Variants in KATNIP observed in about 807,000 individuals in gnomAD.
KATNIP encodes the protein katanin interacting protein.
A neutral mutation model predicts 174.0 loss-of-function variants in KATNIP; 126 were observed. The ratio of observed to expected loss-of-function variants is 0.72; its 90% CI spans 0.63 to 0.84. KATNIP has a LOEUF of 0.84. Ranked by LOEUF, KATNIP falls within the 40% of genes least tolerant of loss-of-function variation. The pLI, the probability that KATNIP is intolerant of heterozygous loss-of-function variation, is 0.00. For synonymous variants in KATNIP, 810 were observed against 835.7 expected (o/e 0.97, Z 0.53); for missense variants, 1,958 against 2,109.7 (o/e 0.93, Z 1.41).
chr16:27,609,378 CTTTTTTTTTTTT>C (rs35339029), intron 2 of KATNIP, among the ~76,000 whole-genome samples: 4 of 55,600 alleles, frequency 7.2e-5, no homozygotes, highest in Admixed American at 2.7e-4. Context: ...TGAGTTAAGT[CTTTTTTTTTTTT>C]TTTTTTTTTT....
chr16:27,668,636 A>G (rs913863370), intron 6 of KATNIP, among the ~76,000 whole-genome samples: 5 of 152,192 alleles, frequency 3.3e-5, no homozygotes, highest in African/African-American at 4.8e-5. Flanking sequence ...TGGCCATGTG[A>G]CCTTGAACTT....
At chr16:27,605,525 A>G (rs1596889392) in intron 2 of KATNIP, among the ~76,000 whole-genome samples, 1 of 152,248 alleles carries the variant, frequency 6.6e-6, no homozygotes, top group African/African-American at 2.4e-5. Flanking sequence ...AGAATGGTAC[A>G]TAGCAGGTAG....
Position 27,771,257 on chromosome 16 carries a change from C to A in KATNIP, c.4134-331C>A, listed in dbSNP as rs1247028337. 8.5e-5 allele frequency among the ~76,000 whole-genome samples: 13 copies of A among 152,316 alleles called. No homozygotes were observed. The East Asian group carries it at 2.5e-3, about 29-fold the overall frequency. On this transcript the variant is annotated intron_variant, in intron 21 of 27. Coordinates refer to ENST00000261588, the MANE Select transcript of KATNIP (RefSeq NM_015202.5). ...CAGCTGCATGGCCTTGAGCAAGTGA[C>A]CTCACTTCTCCGTGTTCCAGTTTCC... is the stretch of plus-strand genomic sequence containing the variant.
chr16:27,657,537 G>A (rs1430905166), intron 6 of KATNIP, among the ~76,000 whole-genome samples: 1 of 151,760 alleles, frequency 6.6e-6, no homozygotes, highest in Non-Finnish European at 1.5e-5. Flanking sequence ...GACCAGCCTG[G>A]CCAACATGGC....
In KATNIP at chr16:27,740,948, G is replaced by A. The variant is rs376020287; in HGVS notation, c.2623+28G>A. The A allele has an allele frequency of 5.1e-6, 8 of 1,559,062 alleles. No homozygotes were observed. The African/African-American group carries it at 9.5e-5, about 18-fold the overall frequency. The stretch of plus-strand genomic sequence containing the variant: ...AAGCTCCAAAGAGCAGCCCGACTTG[G>A]GCATCATCATCCCAGCCCCTCTAAT... On this transcript the variant is annotated intron_variant, in intron 15 of 27. Coordinates refer to ENST00000261588, the MANE Select transcript of KATNIP (RefSeq NM_015202.5).
chr16:27,653,148 A>G (rs563712232), intron 6 of KATNIP, among the ~76,000 whole-genome samples: 1 of 152,364 alleles, frequency 6.6e-6, no homozygotes, highest in East Asian at 1.9e-4. Flanking sequence ...AGAAGAGATC[A>G]TTGATCCAGA....
chr16:27,575,891 A>G (rs1934203664), intron 2 of KATNIP, among the ~76,000 whole-genome samples: 1 of 151,954 alleles, frequency 6.6e-6, no homozygotes, highest in Non-Finnish European at 1.5e-5. Context: ...GGATTTTCCC[A>G]CTCCTTCTGG....
intron 5 of KATNIP, among the ~76,000 whole-genome samples, chr16:27,633,990 C>T (rs374669616): frequency 6.6e-6 from 1 of 152,214 alleles, no homozygotes; most frequent in Non-Finnish European, 1.5e-5. Flanking sequence ...CTTTTGTCCC[C>T]TGCAATGAAT....
In KATNIP at chr16:27,750,168, G is replaced by A. The variant is rs184195679; in HGVS notation, c.3208G>A (p.Val1070Ile). ...ITIDFTHPCH[V>I]ALIRIWNYNK... ...CATTGACTTCACGCACCCTTGCCAC[G>A]TTGCCCTGATCAGAATTTGGAACTA... is the stretch of plus-strand genomic sequence containing the variant. Residue 1070 changes from valine to isoleucine, a missense_variant, in exon 16 of 28, where the codon GTT (valine) becomes ATT (isoleucine). Around this residue, in one of 3 missense-constraint regions of KATNIP, gnomAD observed 1,557 missense variants for 1,617.8 expected, o/e 0.96. Coordinates refer to ENST00000261588, the MANE Select transcript of KATNIP (RefSeq NM_015202.5). 67 of 1,614,070 alleles carry A rather than the reference G, an allele frequency of 4.2e-5. No homozygotes were observed. The East Asian group carries it at 6.5e-4, about 16-fold the overall frequency.
intron 1 of KATNIP, among the ~76,000 whole-genome samples, chr16:27,556,958 A>C (rs2089652415): frequency 6.6e-6 from 1 of 151,956 alleles, no homozygotes; most frequent in African/African-American, 2.4e-5. Context: ...CTGTCACTTT[A>C]ACTTATAGGA....
chr16:27,770,130 A>G lies in KATNIP; in HGVS notation c.4133+112A>G, dbSNP rs559945116. 5.6e-4 allele frequency: 689 copies of G among 1,220,110 alleles called. 3 individuals are homozygous for G. In the African/African-American group the frequency reaches 9.0e-3, roughly 16 times the overall value. The allele number at this position is 1,220,110 out of a possible 1,614,324, so 75.6% of individuals were successfully genotyped here. A position where few individuals can be genotyped will look rare whatever the true frequency, so the allele number is the denominator to read the frequency against. On this transcript the variant is annotated intron_variant, in intron 21 of 27. Transcript: ENST00000261588. ...GGGTTTTGAAACGATGATCAAACGC[A>G]TTGCTTTTCAACTTAGTCATTTTCT...
At chr16:27,636,310 C>G (rs988181131) in intron 5 of KATNIP, among the ~76,000 whole-genome samples, 1 of 152,178 alleles carries the variant, frequency 6.6e-6, no homozygotes, top group Non-Finnish European at 1.5e-5. Flanking sequence ...GCCAAAGTCC[C>G]CACCACTCCC....
chr16:27,726,978 C>A (rs1477042181), intron 14 of KATNIP, among the ~76,000 whole-genome samples: 1 of 152,200 alleles, frequency 6.6e-6, no homozygotes, highest in African/African-American at 2.4e-5. Flanking sequence ...ATGGTCAGAG[C>A]CAGCCCATCT....
chr16:27,581,335 A>G (rs970903655), intron 2 of KATNIP, among the ~76,000 whole-genome samples: 16 of 152,212 alleles, frequency 1.1e-4, no homozygotes, highest in Admixed American at 1.0e-3. Flanking sequence ...TAATGGATCA[A>G]AGGGTGTGTG....
intron 15 of KATNIP, among the ~76,000 whole-genome samples, chr16:27,745,307 T>G (rs113349257): frequency 0.017 from 2,571 of 152,346 alleles, 34 homozygotes; most frequent in Middle Eastern, 0.027. Context: ...TTCTTTCTAT[T>G]TCTTCTGGGC....
intron 2 of KATNIP, among the ~76,000 whole-genome samples, chr16:27,600,679 A>G (rs1376903468): frequency 1.3e-5 from 2 of 149,912 alleles, no homozygotes; most frequent in African/African-American, 2.4e-5. Flanking sequence ...CCCCGCCAGT[A>G]ATCCCAGGCC....
At chr16:27,730,880 C>T (rs903560357) in intron 14 of KATNIP, among the ~76,000 whole-genome samples, 2 of 152,224 alleles carry the variant, frequency 1.3e-5, no homozygotes, top group African/African-American at 4.8e-5. Flanking sequence ...TGTTTAATGA[C>T]AACATTTGGA....
intron 6 of KATNIP, among the ~76,000 whole-genome samples, chr16:27,655,849 C>T (rs2077264059): frequency 6.6e-6 from 1 of 152,126 alleles, no homozygotes; most frequent in Non-Finnish European, 1.5e-5. Flanking sequence ...GGGAATATTG[C>T]ACTCATCTGG....
intron 1 of KATNIP, among the ~76,000 whole-genome samples, chr16:27,552,179 A>C (rs543012727): frequency 1.2e-4 from 18 of 152,312 alleles, no homozygotes; most frequent in Non-Finnish European, 2.5e-4. Context: ...ATAGAAATAG[A>C]AAAAACTACT....
Sources: allele counts gnomAD v4.1 joint callset (sites outside exome capture counted in the v4.1 genomes callset), GRCh38; gene constraint gnomAD v4.1.1; regional missense constraint gnomAD v4.1.1; transcripts MANE v1.5; gene names NCBI Gene and HGNC (gene_info 2026-07-23, HGNC 2026-07-21).